Variants in NRG1 observed in about 807,000 individuals in gnomAD.
NRG1 encodes the protein pro-neuregulin-1, membrane-bound isoform.
NRG1 carries 18 observed loss-of-function variants against 63.8 expected under a neutral mutation model. That is an observed-to-expected ratio of 0.28 (90% CI 0.19 to 0.42). The LOEUF (loss-of-function observed/expected upper bound fraction) is 0.42, where lower values mean the gene tolerates loss of function less well. Among genes scored for constraint, NRG1 ranks in the 10% least tolerant of loss-of-function variants. The pLI is 1.00. For missense variants in NRG1, 762 were observed against 814.7 expected (o/e 0.94, Z 0.79); for synonymous variants, 302 against 301.3 (o/e 1.00, Z -0.02).
chr8:32,152,725 C>G (rs1837636435), intron 1 of NRG1, among the ~76,000 whole-genome samples: 1 of 151,620 alleles, frequency 6.6e-6, no homozygotes, highest in Admixed American at 6.6e-5. Flanking sequence ...GTTAAATCCA[C>G]AAAAAAAAGC....
At chr8:31,938,543 A>T (rs961298929) in intron 1 of NRG1, among the ~76,000 whole-genome samples, 5 of 152,198 alleles carry the variant, frequency 3.3e-5, no homozygotes, top group Admixed American at 6.5e-5. Context: ...CCAGCAATGG[A>T]TCCAAACCAA....
chr8:31,957,646 G>A (rs997158452), intron 1 of NRG1, among the ~76,000 whole-genome samples: 34 of 149,038 alleles, frequency 2.3e-4, no homozygotes, highest in Admixed American at 1.6e-3. Context: ...TTTAGTGGTA[G>A]GTCTTCAAAA....
intron 1 of NRG1, among the ~76,000 whole-genome samples, chr8:31,708,799 C>T (rs1030687215): frequency 1.2e-4 from 18 of 152,070 alleles, no homozygotes; most frequent in Non-Finnish European, 2.6e-4. Context: ...ACACAAAGCC[C>T]TTTATTACCA....
chr8:31,947,241 A>G (rs957034398), intron 1 of NRG1, among the ~76,000 whole-genome samples: 2 of 148,674 alleles, frequency 1.3e-5, no homozygotes, highest in African/African-American at 2.5e-5. Flanking sequence ...CGGAGCTTGC[A>G]GTGAGCTGAG....
At chr8:32,085,842 GTCTGAAGTCATCAGCTTGGGT>G (rs1001434926) in intron 1 of NRG1, among the ~76,000 whole-genome samples, 1 of 152,224 alleles carries the variant, frequency 6.6e-6, no homozygotes, top group African/African-American at 2.4e-5. Context: ...CAGGCCAGAA[GTCTGAAGTCATCAGCTTGGGT>G]TCTGTTGATG....
At chr8:32,480,505 A>C (rs1200390942) in intron 1 of NRG1, among the ~76,000 whole-genome samples, 1 of 152,168 alleles carries the variant, frequency 6.6e-6, no homozygotes, top group Non-Finnish European at 1.5e-5. Context: ...AAAACAAAAA[A>C]AACGAGGCAA....
At chr8:32,416,612 G>A (rs1379953934) in intron 1 of NRG1, among the ~76,000 whole-genome samples, 1 of 152,110 alleles carries the variant, frequency 6.6e-6, no homozygotes, top group Non-Finnish European at 1.5e-5. Flanking sequence ...AAAATCTAGG[G>A]TTAGGGTTTA....
At chr8:32,260,527 C>CT (rs1850248634) in intron 1 of NRG1, among the ~76,000 whole-genome samples, 2 of 152,232 alleles carry the variant, frequency 1.3e-5, no homozygotes, top group South Asian at 4.2e-4. Flanking sequence ...CCCACTTATC[C>CT]TTTTTTAATG....
chr8:31,856,645 G>T (rs529526036), intron 1 of NRG1, among the ~76,000 whole-genome samples: 1 of 152,178 alleles, frequency 6.6e-6, no homozygotes, highest in Non-Finnish European at 1.5e-5. Flanking sequence ...GCTTTGTTCC[G>T]TTGCTGGTGA....
At chr8:32,267,795 C>T (rs1392949040) in intron 1 of NRG1, among the ~76,000 whole-genome samples, 1 of 152,088 alleles carries the variant, frequency 6.6e-6, no homozygotes, top group Non-Finnish European at 1.5e-5. Context: ...TTATGTTATA[C>T]CTGTATTTAT....
chr8:32,271,533 T>G (rs1401792023), intron 1 of NRG1, among the ~76,000 whole-genome samples: 2 of 152,136 alleles, frequency 1.3e-5, no homozygotes, highest in Admixed American at 1.3e-4. Context: ...GTTGCTAAGT[T>G]CATTGTGAGT....
chr8:31,731,338 A>G (rs897541738), intron 1 of NRG1, among the ~76,000 whole-genome samples: 7 of 152,090 alleles, frequency 4.6e-5, no homozygotes, highest in African/African-American at 1.4e-4. Context: ...TCATGAAACT[A>G]TTAAAATTAT....
At chr8:32,406,071 G>A (rs1274773896) in intron 1 of NRG1, among the ~76,000 whole-genome samples, 1 of 152,184 alleles carries the variant, frequency 6.6e-6, no homozygotes, top group African/African-American at 2.4e-5. Flanking sequence ...CTAAATCTCT[G>A]AATTTGGAGA....
intron 1 of NRG1, among the ~76,000 whole-genome samples, chr8:32,024,771 G>A (rs1335171002): frequency 1.3e-5 from 2 of 152,118 alleles, no homozygotes; most frequent in Non-Finnish European, 2.9e-5. Context: ...ATCTCCTACA[G>A]ATCAAAAGGA....
intron 1 of NRG1, among the ~76,000 whole-genome samples, chr8:31,909,845 T>C (rs1832796814): frequency 6.6e-6 from 1 of 152,212 alleles, no homozygotes; most frequent in South Asian, 2.1e-4. Context: ...TGAGCATTTA[T>C]TCCCAGTAAT....
At chr8:32,103,359 A>G (rs1585310201) in intron 1 of NRG1, among the ~76,000 whole-genome samples, 2 of 152,228 alleles carry the variant, frequency 1.3e-5, no homozygotes, top group South Asian at 4.1e-4. Context: ...TGCAAATAAC[A>G]GGATCTCATT....
At chr8:32,214,227 A>G (rs10097263) in intron 1 of NRG1, among the ~76,000 whole-genome samples, 80,908 of 151,986 alleles carry the variant, frequency 0.53, 22,114 homozygotes, top group Admixed American at 0.62. Flanking sequence ...TTCTGTCTTC[A>G]CATCAAAATA....
At chr8:31,709,098 T>TTC (rs774209499) in intron 1 of NRG1, among the ~76,000 whole-genome samples, 77 of 152,124 alleles carry the variant, frequency 5.1e-4, no homozygotes, top group Non-Finnish European at 9.9e-4. Flanking sequence ...TGCATAAAAG[T>TTC]GGATTTTTGG....
intron 1 of NRG1, among the ~76,000 whole-genome samples, chr8:32,521,190 T>A (rs1830310285): frequency 6.6e-6 from 1 of 152,190 alleles, no homozygotes; most frequent in East Asian, 1.9e-4. Context: ...TTGGAACATA[T>A]TCCTTGTGGA....
Sources: allele counts gnomAD v4.1 joint callset (sites outside exome capture counted in the v4.1 genomes callset), GRCh38; gene constraint gnomAD v4.1.1; transcripts MANE v1.5; gene names NCBI Gene and HGNC (gene_info 2026-07-23, HGNC 2026-07-21).